Variants in PTPN14 observed in about 807,000 individuals in gnomAD.
The protein encoded by PTPN14 is protein tyrosine phosphatase non-receptor type 14.
A neutral mutation model predicts 126.8 loss-of-function variants in PTPN14; 53 were observed. The observed-to-expected ratio is 0.42, with a 90% CI of 0.34 to 0.53. The LOEUF (loss-of-function observed/expected upper bound fraction) is 0.53, where lower values mean the gene tolerates loss of function less well. Among genes scored for constraint, PTPN14 ranks in the 20% least tolerant of loss-of-function variants. The pLI, the probability that PTPN14 is intolerant of heterozygous loss-of-function variation, is 0.08. For synonymous variants in PTPN14, 630 were observed against 599.3 expected (o/e 1.05, Z -0.75); for missense variants, 1,257 against 1,552.9 (o/e 0.81, Z 3.20).
chr1:214,475,878 A>G (rs61819637), intron 1 of PTPN14, among the ~76,000 whole-genome samples: 1 of 152,158 alleles, frequency 6.6e-6, no homozygotes, highest in African/African-American at 2.4e-5. Context: ...CTCCATCTGA[A>G]CCCATGTTCT....
intron 1 of PTPN14, chr1:214,532,756 A>C (rs1228211095): frequency 2.5e-6 from 2 of 797,804 alleles, no homozygotes; most frequent in East Asian, 2.4e-5. Context: ...TGATGACACC[A>C]ATGTCACTTG....
chr1:214,486,650 G>T (rs74142717), intron 1 of PTPN14, among the ~76,000 whole-genome samples: 2,712 of 152,232 alleles, frequency 0.018, 83 homozygotes, highest in African/African-American at 0.062. Flanking sequence ...GAGAGGCAAT[G>T]GGAGGCTAGA....
At chr1:214,468,274 G>A (rs573230265) in intron 1 of PTPN14, among the ~76,000 whole-genome samples, 3 of 152,214 alleles carry the variant, frequency 2.0e-5, no homozygotes, top group African/African-American at 4.8e-5. Context: ...CAACACATAC[G>A]GCTGGGTGCG....
At chr1:214,460,424 C>T (rs1416805209) in intron 2 of PTPN14, among the ~76,000 whole-genome samples, 4 of 151,080 alleles carry the variant, frequency 2.6e-5, no homozygotes, top group Admixed American at 6.6e-5. Context: ...CACACACACA[C>T]ATCAGTGCAA....
At chr1:214,378,876 C>A (rs1171312924) in intron 13 of PTPN14, among the ~76,000 whole-genome samples, 1 of 151,412 alleles carries the variant, frequency 6.6e-6, no homozygotes, top group Non-Finnish European at 1.5e-5. Flanking sequence ...GACTCCGGAA[C>A]TGAGCAGACC....
chr1:214,449,537 G>A (rs1403536619), intron 3 of PTPN14, among the ~76,000 whole-genome samples: 2 of 152,208 alleles, frequency 1.3e-5, no homozygotes, highest in African/African-American at 4.8e-5. Flanking sequence ...ATGGCCGAGA[G>A]CCAAGAATCA....
At chr1:214,475,416 A>G (rs2102668050) in intron 1 of PTPN14, among the ~76,000 whole-genome samples, 1 of 152,338 alleles carries the variant, frequency 6.6e-6, no homozygotes, top group South Asian at 2.1e-4. Context: ...CATAAAATAA[A>G]GGACTCTTCC....
chr1:214,448,217 A>G lies in PTPN14; in HGVS notation c.344+3588T>C, dbSNP rs535345817. On this transcript the variant is annotated intron_variant, in intron 3 of 18. Transcript: ENST00000366956. ...CTGAGGCTGGGTGAGTGTCAGAAAC[A>G]CCAGAGGAGTACTATTCATTTTCTC... Among the ~76,000 whole-genome samples, 23 of 152,184 alleles carry G rather than the reference A, an allele frequency of 1.5e-4. No homozygotes were observed. The South Asian group carries it at 4.8e-3, about 32-fold the overall frequency.
chr1:214,429,750 G>T (rs1403002613), intron 3 of PTPN14, among the ~76,000 whole-genome samples: 3 of 152,156 alleles, frequency 2.0e-5, no homozygotes, highest in Non-Finnish European at 4.4e-5. Flanking sequence ...ATGTAAAATT[G>T]TGTTAAGTTA....
chr1:214,463,633 G>A lies in PTPN14; in HGVS notation c.174+997C>T, dbSNP rs180798728. On this transcript the variant is annotated intron_variant, in intron 2 of 18. Transcript: ENST00000366956. ...CTCCTGGGCCCCCATTCCTTTGTAA[G>A]CAGGTGGAGAGAGGCCACATGCAAT... 1.2e-4 allele frequency among the ~76,000 whole-genome samples: 18 copies of A among 152,302 alleles called. No individual in the cohort carries two copies. In the East Asian group the frequency reaches 3.5e-3, roughly 29 times the overall value.
chr1:214,383,621 G>A lies in PTPN14; in HGVS notation c.2234C>T (p.Pro745Leu). 6.2e-7 allele frequency: 1 copy of A among 1,613,372 alleles called. No individual in the cohort carries two copies. Among genetic ancestry groups the A allele is most frequent in the Non-Finnish European group, 8.5e-7 (1 of 1,179,920 alleles). The part of the protein sequence containing the change: ...AQLQAALARI[P>L]NKPPPEYPGP... Reference sequence around the variant, plus strand: ...GGGGTACTCAGGCGGGGGCTTGTTGGGGATGCGGGCCAGGGCCGCCTGCAG... The same window carrying A: ...GGGGTACTCAGGCGGGGGCTTGTTGAGGATGCGGGCCAGGGCCGCCTGCAG... The change falls in exon 13 of 19, where the codon CCC becomes CTC. Residue 745 changes from proline (P) to leucine (L), a missense_variant. This residue lies in a region of PTPN14 where 1,021 missense variants were observed against 1,183.3 expected (regional missense o/e 0.86). Coordinates refer to ENST00000366956, the MANE Select transcript of PTPN14 (RefSeq NM_005401.5). The surrounding 1 kb of genome is among the most constrained non-coding windows in gnomAD (Gnocchi z 4.4).
Position 214,395,073 on chromosome 1 carries a change from G to A in PTPN14, c.759-87C>T, listed in dbSNP as rs895714926. On this transcript the variant is annotated intron_variant, in intron 8 of 18. Coordinates refer to ENST00000366956, the MANE Select transcript of PTPN14 (RefSeq NM_005401.5). Reference sequence around the variant, plus strand: ...GAGGAGGGCTGTTTGCTGCTATCAAGTCTCATTTAACAAACTATGATTTAA... The same window carrying A: ...GAGGAGGGCTGTTTGCTGCTATCAAATCTCATTTAACAAACTATGATTTAA... 4 of 1,124,530 alleles carry A rather than the reference G, an allele frequency of 3.6e-6. No individual in the cohort carries two copies. The African/African-American group carries it at 6.2e-5, about 17-fold the overall frequency. The allele number at this position is 1,124,530 out of a possible 1,614,324, so 69.7% of individuals were successfully genotyped here.
intron 3 of PTPN14, among the ~76,000 whole-genome samples, chr1:214,415,848 A>C (rs1324593999): frequency 1.3e-5 from 2 of 152,188 alleles, no homozygotes; most frequent in Non-Finnish European, 1.5e-5. Flanking sequence ...CTATACTCAA[A>C]TCAGAAGGGC....
chr1:214,461,487 G>A (rs753687184), intron 2 of PTPN14, among the ~76,000 whole-genome samples: 5 of 151,936 alleles, frequency 3.3e-5, no homozygotes, highest in Non-Finnish European at 7.4e-5. Flanking sequence ...TTAAAAATTT[G>A]CTGGGCATGT....
intron 1 of PTPN14, chr1:214,532,966 C>T (rs1329958710): frequency 9.0e-6 from 7 of 776,450 alleles, no homozygotes; most frequent in African/African-American, 1.7e-5. Flanking sequence ...TCGGAAGAAC[C>T]GAGAGGAGCT....
At chr1:214,388,702 C>T (rs2102545857) in intron 11 of PTPN14, among the ~76,000 whole-genome samples, 1 of 152,266 alleles carries the variant, frequency 6.6e-6, no homozygotes, top group Middle Eastern at 3.4e-3. Context: ...GCTACCGTGC[C>T]CAGCCAATCT....
intron 1 of PTPN14, among the ~76,000 whole-genome samples, chr1:214,481,831 A>C (rs1277519224): frequency 6.6e-6 from 1 of 151,714 alleles, no homozygotes; most frequent in East Asian, 1.9e-4. Flanking sequence ...TAAAAATACA[A>C]AAAAAATTAG....
chr1:214,448,495 C>A (rs1172414724), intron 3 of PTPN14, among the ~76,000 whole-genome samples: 1 of 151,736 alleles, frequency 6.6e-6, no homozygotes, highest in African/African-American at 2.4e-5. Context: ...CCGCCCGCCT[C>A]GGTCTCCCAA....
chr1:214,449,163 C>T (rs904375775), intron 3 of PTPN14, among the ~76,000 whole-genome samples: 2 of 151,258 alleles, frequency 1.3e-5, no homozygotes, highest in Admixed American at 6.6e-5. Context: ...CCCACCACCA[C>T]GCCCGGCTAA....
Sources: allele counts gnomAD v4.1 joint callset (sites outside exome capture counted in the v4.1 genomes callset), GRCh38; gene constraint gnomAD v4.1.1; regional missense constraint gnomAD v4.1.1; non-coding constraint Gnocchi (gnomAD v3.1); transcripts MANE v1.5; gene names NCBI Gene and HGNC (gene_info 2026-07-23, HGNC 2026-07-21).